Variants in PTPRK observed in about 807,000 individuals in gnomAD.
PTPRK encodes the protein protein tyrosine phosphatase receptor type K.
PTPRK carries 75 observed loss-of-function variants against 178.0 expected under a neutral mutation model. The ratio of observed to expected loss-of-function variants is 0.42; its 90% CI spans 0.35 to 0.51. The LOEUF is 0.51. Among genes scored for constraint, PTPRK ranks in the 20% least tolerant of loss-of-function variants. The pLI is 0.02. For synonymous variants in PTPRK, 637 were observed against 620.6 expected (o/e 1.03, Z -0.39); for missense variants, 1,441 against 1,797.8 (o/e 0.80, Z 3.59).
chr6:128,238,656 T>C (rs536187465), intron 5 of PTPRK, among the ~76,000 whole-genome samples: 14 of 152,254 alleles, frequency 9.2e-5, no homozygotes, highest in African/African-American at 2.9e-4. Flanking sequence ...TATTTAGGCA[T>C]AGGAAGAGAA....
At chr6:128,087,552 T>TTG (rs984126691) in intron 8 of PTPRK, among the ~76,000 whole-genome samples, 6 of 151,340 alleles carry the variant, frequency 4.0e-5, no homozygotes, top group Admixed American at 6.6e-5. Context: ...ATGCATTGAG[T>TTG]TGTGTGTGTG....
At chr6:128,142,964 C>T (rs899031495) in intron 7 of PTPRK, among the ~76,000 whole-genome samples, 1 of 151,960 alleles carries the variant, frequency 6.6e-6, no homozygotes, top group Non-Finnish European at 1.5e-5. Flanking sequence ...ATATTTATGG[C>T]CTTTGATCTA....
At chr6:128,089,585 T>G in intron 8 of PTPRK, 105 bp downstream of exon 8, 1 of 1,210,328 alleles carries the variant, frequency 8.3e-7, no homozygotes, top group Non-Finnish European at 1.2e-6. Flanking sequence ...TTTAGATGAT[T>G]TCAGAATCCA....
intron 3 of PTPRK, among the ~76,000 whole-genome samples, chr6:128,313,265 T>A (rs1212534984): frequency 6.6e-6 from 1 of 152,150 alleles, no homozygotes; most frequent in Non-Finnish European, 1.5e-5. Flanking sequence ...ATTGTGAGGA[T>A]GATTTTTTTA....
intron 11 of PTPRK, among the ~76,000 whole-genome samples, chr6:128,069,051 CTAATT>C (rs1782349839): frequency 6.6e-6 from 1 of 151,860 alleles, no homozygotes; most frequent in South Asian, 2.1e-4. Context: ...GCATAAAATT[CTAATT>C]TAATATAAAC....
chr6:128,239,298 C>T (rs1050505035), intron 5 of PTPRK, among the ~76,000 whole-genome samples: 1 of 152,110 alleles, frequency 6.6e-6, no homozygotes, highest in Non-Finnish European at 1.5e-5. Context: ...GCTCAATAGC[C>T]ATCTGTTTTA....
chr6:128,123,474 A>G (rs1474971789), intron 7 of PTPRK, among the ~76,000 whole-genome samples: 1 of 152,198 alleles, frequency 6.6e-6, no homozygotes, highest in Non-Finnish European at 1.5e-5. Context: ...AAATTTTTAG[A>G]ATAGTTATGC....
At chr6:128,033,223 A>G (rs1005064557) in intron 13 of PTPRK, among the ~76,000 whole-genome samples, 16 of 152,194 alleles carry the variant, frequency 1.1e-4, no homozygotes, top group African/African-American at 1.7e-4. Flanking sequence ...GCCTGGCACA[A>G]ACGACAGAAC....
intron 5 of PTPRK, among the ~76,000 whole-genome samples, chr6:128,235,946 T>C (rs1813174485): frequency 6.6e-6 from 1 of 152,214 alleles, no homozygotes; most frequent in South Asian, 2.1e-4. Flanking sequence ...AGAGCTCACA[T>C]TCATATAACT....
chr6:128,349,151 GAAC>G (rs1036244579), intron 2 of PTPRK, among the ~76,000 whole-genome samples: 1 of 152,030 alleles, frequency 6.6e-6, no homozygotes, highest in African/African-American at 2.4e-5. Flanking sequence ...CCAGAAACAT[GAAC>G]AACACTTCAC....
At chr6:128,470,586 A>C (rs1022126620) in intron 1 of PTPRK, among the ~76,000 whole-genome samples, 1 of 151,986 alleles carries the variant, frequency 6.6e-6, no homozygotes, top group Non-Finnish European at 1.5e-5. Context: ...AAACTTAGAA[A>C]GTGTTTCAGT....
At chr6:128,338,957 T>A (rs1165974030) in intron 2 of PTPRK, among the ~76,000 whole-genome samples, 1 of 152,222 alleles carries the variant, frequency 6.6e-6, no homozygotes, top group African/African-American at 2.4e-5. Flanking sequence ...AACATATTTG[T>A]AAATCATCTA....
At chr6:127,999,785 A>AT (rs1346742310) in intron 15 of PTPRK, among the ~76,000 whole-genome samples, 1 of 152,046 alleles carries the variant, frequency 6.6e-6, no homozygotes, top group Non-Finnish European at 1.5e-5. Context: ...GAGACAGAAT[A>AT]TTTTTCTTTC....
At chr6:128,421,665 C>T (rs2128387054) in intron 1 of PTPRK, among the ~76,000 whole-genome samples, 1 of 152,298 alleles carries the variant, frequency 6.6e-6, no homozygotes, top group South Asian at 2.1e-4. Flanking sequence ...TCCCACCTTA[C>T]ACAATATACC....
chr6:128,464,620 C>CATATATATATATATATACACATATACAT (rs1174612862), intron 1 of PTPRK, among the ~76,000 whole-genome samples: 4 of 88,824 alleles, frequency 4.5e-5, no homozygotes, highest in African/African-American at 1.7e-4. Flanking sequence ...TATACATATA[C>CATATATATATATATATACACATATACAT]ATATATATAT....
intron 7 of PTPRK, among the ~76,000 whole-genome samples, chr6:128,125,876 G>A (rs1464667842): frequency 6.6e-6 from 1 of 151,764 alleles, no homozygotes; most frequent in Non-Finnish European, 1.5e-5. Context: ...CCAAAGTGCT[G>A]GGATTACAGG....
chr6:128,312,023 G>A (rs572736541), intron 3 of PTPRK, among the ~76,000 whole-genome samples: 10 of 152,256 alleles, frequency 6.6e-5, no homozygotes, highest in South Asian at 2.1e-4. Context: ...TTATGCTTAG[G>A]TTCAATGATG....
chr6:128,314,841 A>T (rs920473492), intron 3 of PTPRK, among the ~76,000 whole-genome samples: 20 of 136,784 alleles, frequency 1.5e-4, no homozygotes, highest in Non-Finnish European at 2.8e-4. Context: ...ACCACTATTT[A>T]AAAAAAAAAA....
rs1270609978 is a variant in PTPRK, at chr6:127,970,271, G to A, written c.4279C>T (p.Arg1427Cys). 3.7e-6 allele frequency: 6 copies of A among 1,610,150 alleles called. No individual in the cohort carries two copies. Among genetic ancestry groups the A allele is most frequent in the Non-Finnish European group, 5.1e-6 (6 of 1,177,822 alleles). ...TCCAAAGCTACATCATAGCAGAAACGGTATTGCTCCTGAAAGATGTCAAAA... is the reference window on the plus strand; with the variant it reads ...TCCAAAGCTACATCATAGCAGAAACAGTATTGCTCCTGAAAGATGTCAAAA... ...PNMVEAPEQY[R>C]FCYDVALEYL... Residue 1427 changes from arginine (R) to cysteine (C), a missense_variant, in exon 30 of 30, where the codon CGT becomes TGT. Around this residue, in one of 4 missense-constraint regions of PTPRK, gnomAD observed 335 missense variants for 512.4 expected, o/e 0.65. Coordinates refer to ENST00000368226, the MANE Select transcript of PTPRK (RefSeq NM_002844.4).
Sources: gnomAD v4.1 joint callset for allele counts (sites outside exome capture counted in the v4.1 genomes callset) on GRCh38, gnomAD v4.1.1 for gene constraint, gnomAD v4.1.1 regional missense constraint, MANE v1.5 for transcripts, NCBI Gene and HGNC (gene_info 2026-07-23, HGNC 2026-07-21) for gene names.